AGBL4: variants seen among roughly 807,000 people sequenced by gnomAD.
The protein encoded by AGBL4 is cytosolic carboxypeptidase 6.
In AGBL4, 58 loss-of-function variants were observed where a neutral mutation model predicts 66.4. The observed-to-expected ratio is 0.87, with a 90% CI of 0.71 to 1.09. AGBL4 has a LOEUF of 1.09. AGBL4 is among the 50% of genes least tolerant of loss of function. The pLI is 0.00. For missense variants in AGBL4, 579 were observed against 631.0 expected (o/e 0.92, Z 0.88); for synonymous variants, 234 against 222.9 (o/e 1.05, Z -0.44).
intron 4 of AGBL4, among the ~76,000 whole-genome samples, chr1:49,244,264 C>T (rs191392567): frequency 6.3e-4 from 96 of 151,898 alleles, no homozygotes; most frequent in African/African-American, 2.3e-3. Context: ...TGTCCTGTTA[C>T]TTGCAAGGTT....
At chr1:48,843,008 G>A (rs1206349038) in intron 6 of AGBL4, among the ~76,000 whole-genome samples, 2 of 152,116 alleles carry the variant, frequency 1.3e-5, no homozygotes, top group Admixed American at 6.6e-5. Flanking sequence ...GTGGTTACCA[G>A]GAGCTGGGGG....
chr1:48,972,743 G>T (rs1472957839), intron 5 of AGBL4, among the ~76,000 whole-genome samples: 1 of 152,126 alleles, frequency 6.6e-6, no homozygotes, highest in Non-Finnish European at 1.5e-5. Flanking sequence ...TAAGACAGGG[G>T]TTAGAAAGAA....
At chr1:49,561,822 C>T (rs1268183330) in intron 3 of AGBL4, among the ~76,000 whole-genome samples, 1 of 152,036 alleles carries the variant, frequency 6.6e-6, no homozygotes. Context: ...GATATATACC[C>T]AGTAATGGGA....
At chr1:49,173,019 T>G (rs1009328705) in intron 4 of AGBL4, among the ~76,000 whole-genome samples, 7 of 152,046 alleles carry the variant, frequency 4.6e-5, no homozygotes, top group African/African-American at 1.7e-4. Context: ...CTTGGGAGGC[T>G]GAGGCAGGAG....
chr1:49,789,829 A>G (rs1644550455), intron 2 of AGBL4, among the ~76,000 whole-genome samples: 3 of 152,212 alleles, frequency 2.0e-5, no homozygotes, highest in Admixed American at 2.0e-4. Flanking sequence ...AGAAAATACT[A>G]CTTTACATGT....
intron 6 of AGBL4, among the ~76,000 whole-genome samples, chr1:48,748,582 G>A (rs2148619249): frequency 6.6e-6 from 1 of 152,322 alleles, no homozygotes; most frequent in East Asian, 1.9e-4. Context: ...TTGGGGCTTG[G>A]AGGATGAGAG....
chr1:48,777,636 T>A (rs1645161175), intron 6 of AGBL4, among the ~76,000 whole-genome samples: 3 of 152,098 alleles, frequency 2.0e-5, no homozygotes. Flanking sequence ...GATTTCCAGT[T>A]GTGCCAGCTG....
chr1:48,761,247 T>C lies in AGBL4; in HGVS notation c.635-98006A>G, dbSNP rs964840727. 3 of 1,316,458 alleles carry C rather than the reference T, an allele frequency of 2.3e-6. No individual in the cohort carries two copies. The African/African-American group carries it at 4.5e-5, about 20-fold the overall frequency. The allele number at this position is 1,316,458 out of a possible 1,614,324, so 81.5% of individuals were successfully genotyped here. A position where few individuals can be genotyped will look rare whatever the true frequency, so the allele number is the denominator to read the frequency against. On this transcript the variant is annotated intron_variant, in intron 6 of 13. Transcript: ENST00000371839. ...CCTGTGATACCAGGGGACATTTACA[T>C]GGGGAGAGGAAGCCAGACTGAAACT...
intron 5 of AGBL4, among the ~76,000 whole-genome samples, chr1:48,960,009 T>C (rs2148938347): frequency 6.6e-6 from 1 of 152,188 alleles, no homozygotes; most frequent in Admixed American, 6.5e-5. Context: ...CACTCTGGCT[T>C]TCAGGTGTAA....
chr1:49,886,845 T>A (rs894196554), intron 1 of AGBL4, among the ~76,000 whole-genome samples: 3 of 152,174 alleles, frequency 2.0e-5, no homozygotes, highest in Admixed American at 1.3e-4. Flanking sequence ...AATTTTAATT[T>A]ATATGCTAAA....
chr1:48,989,808 G>C (rs944349587), intron 5 of AGBL4, among the ~76,000 whole-genome samples: 2 of 152,126 alleles, frequency 1.3e-5, no homozygotes. Flanking sequence ...CCAGATCTTG[G>C]CTATTGTGAA....
chr1:49,202,718 G>T (rs1647807808), intron 4 of AGBL4, among the ~76,000 whole-genome samples: 1 of 151,960 alleles, frequency 6.6e-6, no homozygotes, highest in Non-Finnish European at 1.5e-5. Flanking sequence ...TCTTGGATAT[G>T]ACATCAAAAG....
At chr1:49,000,249 G>C (rs1165675547) in intron 5 of AGBL4, among the ~76,000 whole-genome samples, 1 of 152,128 alleles carries the variant, frequency 6.6e-6, no homozygotes, top group Non-Finnish European at 1.5e-5. Flanking sequence ...ACCCAGTCTG[G>C]TTTGAGTCCA....
intron 6 of AGBL4, among the ~76,000 whole-genome samples, chr1:48,729,975 C>A (rs533406292): frequency 1.5e-4 from 23 of 152,256 alleles, no homozygotes; most frequent in African/African-American, 5.5e-4. Context: ...CCTATTCCAC[C>A]TGTCAGGGAC....
rs1296485687 is a variant in AGBL4, at chr1:49,009,226, A to G, written c.594+36358T>C. ...CACTGATCCCACAGAAATACAAACT[A>G]CCATCAGAGAATACTACAAACACCT... On this transcript the variant is annotated intron_variant, in intron 5 of 13. Transcript: ENST00000371839. Among the ~76,000 whole-genome samples, 234 of 152,194 alleles carry G rather than the reference A, an allele frequency of 1.5e-3. 4 individuals carry two copies. The highest frequency in any genetic ancestry group is 5.4e-3 in the African/African-American group (226 of 41,570).
intron 5 of AGBL4, among the ~76,000 whole-genome samples, chr1:48,975,864 T>G (rs1222018783): frequency 6.6e-6 from 1 of 152,160 alleles, no homozygotes; most frequent in Non-Finnish European, 1.5e-5. Flanking sequence ...CACGCTGGTA[T>G]CAATCAGAAG....
chr1:49,571,765 G>A (rs1049449506), intron 3 of AGBL4, among the ~76,000 whole-genome samples: 1 of 151,986 alleles, frequency 6.6e-6, no homozygotes, highest in Admixed American at 6.6e-5. Context: ...CATTTGTTGA[G>A]GGTTTTTAAT....
chr1:49,364,063 G>C (rs1644194742), intron 3 of AGBL4, among the ~76,000 whole-genome samples: 1 of 152,176 alleles, frequency 6.6e-6, no homozygotes, highest in Non-Finnish European at 1.5e-5. Flanking sequence ...TCAGTAAGCG[G>C]GAAGAAATTA....
At chr1:49,830,823 T>C (rs1447432370) in intron 2 of AGBL4, among the ~76,000 whole-genome samples, 1 of 152,218 alleles carries the variant, frequency 6.6e-6, no homozygotes, top group African/African-American at 2.4e-5. Flanking sequence ...GTTTTCTGCA[T>C]ATGGCTAGTC....
Sources: allele counts gnomAD v4.1 joint callset (sites outside exome capture counted in the v4.1 genomes callset), GRCh38; gene constraint gnomAD v4.1.1; transcripts MANE v1.5; gene names NCBI Gene and HGNC (gene_info 2026-07-23, HGNC 2026-07-21).